AGBL1: variants seen among roughly 807,000 people sequenced by gnomAD.
The protein encoded by AGBL1 is AGBL carboxypeptidase 1, also known as cytosolic carboxypeptidase 4.
Under a neutral mutation model 118.9 loss-of-function variants are expected in AGBL1, and 130 were observed. The observed-to-expected ratio is 1.09, with a 90% confidence interval of 0.95 to 1.26. The LOEUF (loss-of-function observed/expected upper bound fraction) is 1.26, where lower values mean the gene tolerates loss of function less well. AGBL1 is among the 50% of genes most tolerant of loss of function. The pLI is 0.00. For missense variants in AGBL1, 1,584 were observed against 1,298.1 expected, an observed-to-expected ratio of 1.22 and a Z score of -3.38; for synonymous variants, 555 against 478.9, an observed-to-expected ratio of 1.16 and a Z score of -2.08.
chr15:86,779,120 C>T (rs962864484), intron 22 of AGBL1, among the ~76,000 whole-genome samples: 1 of 149,372 alleles, frequency 6.7e-6, no homozygotes, highest in Admixed American at 6.7e-5. Context: ...ACTCATCACC[C>T]TTCCTACGGA....
At chr15:86,845,081 G>A (rs889446529) in intron 22 of AGBL1, among the ~76,000 whole-genome samples, 2 of 152,044 alleles carry the variant, frequency 1.3e-5, no homozygotes, top group African/African-American at 2.4e-5. Flanking sequence ...TAGATTTATA[G>A]TATTAAAATC....
intron 5 of AGBL1, among the ~76,000 whole-genome samples, chr15:86,184,895 G>A (rs2077607291): frequency 6.6e-6 from 1 of 152,042 alleles, no homozygotes; most frequent in Non-Finnish European, 1.5e-5. Context: ...ATACTACAAG[G>A]CTACAGCCAA....
intron 1 of AGBL1, among the ~76,000 whole-genome samples, chr15:86,136,505 G>A (rs997431274): frequency 4.6e-5 from 7 of 152,142 alleles, no homozygotes; most frequent in Non-Finnish European, 8.8e-5. Context: ...GGGTAATGGG[G>A]GCTGGGAAGG....
intron 7 of AGBL1, among the ~76,000 whole-genome samples, chr15:86,253,144 A>C (rs1341171555): frequency 6.6e-6 from 1 of 152,160 alleles, no homozygotes; most frequent in Non-Finnish European, 1.5e-5. Flanking sequence ...GAGCATTGTG[A>C]GTAAGGGTGG....
chr15:87,001,221 T>C (rs1567280641), intron 24 of AGBL1, among the ~76,000 whole-genome samples: 1 of 150,814 alleles, frequency 6.6e-6, no homozygotes, highest in Non-Finnish European at 1.5e-5. Context: ...ACCCTTTATT[T>C]CCTTCTCCTG....
At chr15:86,080,173 C>T (rs1159461923) in intron 1 of AGBL1, 150 bp downstream of exon 1, 2 of 458,378 alleles carry the variant, frequency 4.4e-6, no homozygotes, top group African/African-American at 4.0e-5. Context: ...CACCTTGAAG[C>T]TGACCTAAGT....
chr15:86,756,657 A>C (rs2141263737), intron 22 of AGBL1, among the ~76,000 whole-genome samples: 1 of 152,216 alleles, frequency 6.6e-6, no homozygotes, highest in Middle Eastern at 3.4e-3. Flanking sequence ...AGCGTCTATA[A>C]CCAGGACCCA....
At chr15:86,133,908 T>C (rs965551620) in intron 1 of AGBL1, among the ~76,000 whole-genome samples, 2 of 152,242 alleles carry the variant, frequency 1.3e-5, no homozygotes, top group Admixed American at 1.3e-4. Context: ...ACCCAGCTTC[T>C]GTAGTGATAG....
chr15:86,746,676 GT>G (rs1333829230), intron 22 of AGBL1, among the ~76,000 whole-genome samples: 1 of 152,020 alleles, frequency 6.6e-6, no homozygotes, highest in Non-Finnish European at 1.5e-5. Context: ...CTTATTGGAT[GT>G]TTTGTGAACA....
chr15:86,212,565 C>A (rs939212646), intron 5 of AGBL1, among the ~76,000 whole-genome samples: 1 of 152,220 alleles, frequency 6.6e-6, no homozygotes, highest in Non-Finnish European at 1.5e-5. Flanking sequence ...TTCAGCATGC[C>A]TGGAGTTCTC....
chr15:87,020,941 A>G (rs760786215), intron 24 of AGBL1, among the ~76,000 whole-genome samples: 2 of 152,306 alleles, frequency 1.3e-5, no homozygotes, highest in South Asian at 2.1e-4. Flanking sequence ...TATAGATTCA[A>G]TGCTATTCCC....
At chr15:86,972,286 A>G (rs758104668) in intron 23 of AGBL1, among the ~76,000 whole-genome samples, 25 of 151,944 alleles carry the variant, frequency 1.6e-4, no homozygotes, top group Non-Finnish European at 2.9e-5. Flanking sequence ...AGTTTCACAG[A>G]TACAACATTT....
intron 5 of AGBL1, among the ~76,000 whole-genome samples, chr15:86,192,339 TTAA>T (rs1382988106): frequency 8.0e-5 from 12 of 150,374 alleles, no homozygotes; most frequent in Admixed American, 6.0e-4. Flanking sequence ...ATTACAGATA[TTAA>T]TGTTTTCAAT....
chr15:86,121,734 A>C (rs1285853757), intron 1 of AGBL1, among the ~76,000 whole-genome samples: 1 of 152,212 alleles, frequency 6.6e-6, no homozygotes. Context: ...CCCTGTCTCA[A>C]CCAGCATAAT....
intron 19 of AGBL1, among the ~76,000 whole-genome samples, chr15:86,524,707 A>T (rs2083238172): frequency 6.6e-6 from 1 of 152,228 alleles, no homozygotes; most frequent in African/African-American, 2.4e-5. Context: ...TCCCAAGGTA[A>T]AGAAAGATCT....
intron 17 of AGBL1, among the ~76,000 whole-genome samples, chr15:86,388,720 A>G (rs528831283): frequency 1.3e-5 from 2 of 152,174 alleles, no homozygotes; most frequent in Non-Finnish European, 2.9e-5. Context: ...AATGAAAAGA[A>G]TATTGGATTT....
chr15:86,214,725 G>T (rs2078156722), intron 5 of AGBL1, among the ~76,000 whole-genome samples: 1 of 152,156 alleles, frequency 6.6e-6, no homozygotes, highest in South Asian at 2.1e-4. Context: ...TGTGAATTTG[G>T]AAGTACTTCA....
intron 18 of AGBL1, among the ~76,000 whole-genome samples, chr15:86,417,490 C>A (rs2081712262): frequency 6.6e-6 from 1 of 152,136 alleles, no homozygotes. Context: ...CATTGGTAAA[C>A]CTGTGGATGT....
intron 22 of AGBL1, among the ~76,000 whole-genome samples, chr15:86,865,411 C>G (rs890314239): frequency 6.6e-6 from 1 of 152,054 alleles, no homozygotes; most frequent in African/African-American, 2.4e-5. Flanking sequence ...TTGGAGGTAC[C>G]CTTTGTTGAA....
Sources: gnomAD v4.1 joint callset for allele counts (sites outside exome capture counted in the v4.1 genomes callset) on GRCh38, gnomAD v4.1.1 for gene constraint, MANE v1.5 for transcripts, NCBI Gene and HGNC (gene_info 2026-07-23, HGNC 2026-07-21) for gene names.